TNIP1: variants seen among roughly 807,000 people sequenced by gnomAD.
TNIP1 encodes TNFAIP3-interacting protein 1.
In TNIP1, 22 loss-of-function variants were observed where a neutral mutation model predicts 86.6. The ratio of observed to expected loss-of-function variants is 0.25; its 90% CI spans 0.18 to 0.36. The LOEUF (loss-of-function observed/expected upper bound fraction) is 0.36, where lower values mean the gene tolerates loss of function less well. Among genes scored for constraint, TNIP1 ranks in the 10% least tolerant of loss-of-function variants. The pLI, the probability that TNIP1 is intolerant of heterozygous loss-of-function variation, is 1.00. For synonymous variants in TNIP1, 294 were observed against 313.0 expected (o/e 0.94, Z 0.64); for missense variants, 709 against 820.6 (o/e 0.86, Z 1.66).
intron 1 of TNIP1, among the ~76,000 whole-genome samples, chr5:151,069,998 C>A (rs1334995337): frequency 6.6e-6 from 1 of 152,176 alleles, no homozygotes; most frequent in Non-Finnish European, 1.5e-5. Context: ...GTGCTCAAGG[C>A]CAACCTTGCG....
rs772079911 is a variant in TNIP1 at position 151,065,129 on chromosome 5, T to G, written c.-34A>C. 6.2e-7 allele frequency: 1 copy of G among 1,604,402 alleles called. No individual in the cohort carries two copies. The highest frequency in any genetic ancestry group is 1.7e-5 in the Admixed American group (1 of 59,852). The stretch of plus-strand genomic sequence containing the variant: ...CTCAGCCCCTGCCGTGGTGCCCGCC[T>G]GGCTGTAAGGACAACAGCAGCATAT... On this transcript the variant is annotated splice_region_variant and 5_prime_UTR_variant, in exon 2 of 18. Transcript: ENST00000521591.
At chr5:151,046,232 C>T in intron 8 of TNIP1, 2 of 456,476 alleles carry the variant, frequency 4.4e-6, no homozygotes, top group South Asian at 4.5e-5. Flanking sequence ...GGTACAACCT[C>T]TAAGGTACTA....
At chr5:151,032,503 C>G (rs1025715458) in intron 16 of TNIP1, 120 bp from the exon 17 acceptor site, 6 of 1,018,852 alleles carry the variant, frequency 5.9e-6, no homozygotes, top group Admixed American at 4.7e-5. Context: ...TTATAACAAC[C>G]CAGGCTGGCA....
In TNIP1 at chr5:151,032,484, A is replaced by C. The variant is rs191079131; in HGVS notation, c.1780-101T>G. 3 of 1,198,360 alleles carry C rather than the reference A, an allele frequency of 2.5e-6. No individual in the cohort carries two copies. In the Admixed American group the frequency reaches 6.6e-5, roughly 26 times the overall value. 74.2% of individuals were successfully genotyped at this position (1,198,360 alleles called of 1,614,324 possible). ...ACTAAATCTGTATTAGTCAAGTATA[A>C]TTGAATCTTTATAACAACCCAGGCT... On this transcript the variant is annotated intron_variant, in intron 16 of 17. Transcript: ENST00000521591.
intron 1 of TNIP1, among the ~76,000 whole-genome samples, chr5:151,067,477 A>T (rs371206462): frequency 1.5e-3 from 236 of 152,324 alleles, no homozygotes; most frequent in Middle Eastern, 6.8e-3. Flanking sequence ...TTGGAGTTCA[A>T]GAACAGTGAA....
Position 151,056,902 on chromosome 5 carries a change from A to G in TNIP1, c.491T>C (p.Leu164Pro). The part of the protein sequence containing the change: ...DGNLMLHLQR[L>P]ETTLSVCAEE... ...GGCACACACACTCAGCGTGGTCTCC[A>G]GGCGCTGCAGGTGCAGCATCAGGTT... The change falls in exon 6 of 18, where the codon CTG (leucine) becomes CCG (proline). Residue 164 changes from leucine to proline, a missense_variant. By Grantham distance (98) the Leu-to-Pro change is moderately conservative (BLOSUM62 -3). Coordinates refer to ENST00000521591, the MANE Select transcript of TNIP1 (RefSeq NM_006058.5). 6.3e-7 allele frequency: 1 copy of G among 1,595,232 alleles called. No individual in the cohort carries two copies. The highest frequency in any genetic ancestry group is 8.5e-7 in the Non-Finnish European group (1 of 1,171,450).
intron 4 of TNIP1, among the ~76,000 whole-genome samples, chr5:151,061,279 A>G (rs934611455): frequency 1.3e-5 from 2 of 151,808 alleles, no homozygotes; most frequent in Non-Finnish European, 2.9e-5. Context: ...CTTCCAGCTG[A>G]CCCTCATGGC....
At chr5:151,042,395 G>C in intron 11 of TNIP1, 145 bp downstream of exon 11, 1 of 995,922 alleles carries the variant, frequency 1.0e-6, no homozygotes, top group Non-Finnish European at 1.5e-6. Context: ...TGCAGGGAAG[G>C]AACGTGCCTG....
At chr5:151,048,777 G>C (rs1393752434) in intron 8 of TNIP1, among the ~76,000 whole-genome samples, 1 of 152,170 alleles carries the variant, frequency 6.6e-6, no homozygotes, top group African/African-American at 2.4e-5. Flanking sequence ...GATCTGATTT[G>C]GGGAATAAAG....
At position 151,035,669 on chromosome 5, in the gene TNIP1, A is replaced by G. The variant is rs771779898; in HGVS notation, c.1434T>C (p.Ser478=). 7 of 1,614,004 alleles carry G rather than the reference A, an allele frequency of 4.3e-6. No homozygotes were observed. The highest frequency in any genetic ancestry group is 5.9e-6 in the Non-Finnish European group (7 of 1,180,026). Residue 478 remains serine (S), a synonymous_variant, in exon 14 of 18, where the codon AGT becomes AGC. Coordinates refer to ENST00000521591, the MANE Select transcript of TNIP1 (RefSeq NM_006058.5). The part of the protein sequence containing the change: ...IFEEDFQRER[S]DRERMNEEKE... Reference sequence around the variant, plus strand: ...TCTCCTCATTCATGCGCTCACGATCACTGCGCTCCCTCTGGAAGTCCTCCT... The same window carrying G: ...TCTCCTCATTCATGCGCTCACGATCGCTGCGCTCCCTCTGGAAGTCCTCCT...
At chr5:151,059,905 A>T (rs1761322570) in intron 5 of TNIP1, among the ~76,000 whole-genome samples, 1 of 141,082 alleles carries the variant, frequency 7.1e-6, no homozygotes, top group Non-Finnish European at 1.5e-5. Context: ...GGAAAGTTGA[A>T]CCTCCTTCCT....
At chr5:151,057,456 T>A (rs964756518) in intron 5 of TNIP1, among the ~76,000 whole-genome samples, 1 of 152,238 alleles carries the variant, frequency 6.6e-6, no homozygotes, top group African/African-American at 2.4e-5. Flanking sequence ...CCGGGCGCGA[T>A]GGCTCACGCC....
At chr5:151,059,828 A>AGAGAGTGTGT (rs1554076446) in intron 5 of TNIP1, among the ~76,000 whole-genome samples, 63 of 56,348 alleles carry the variant, frequency 1.1e-3, no homozygotes, top group Admixed American at 3.2e-3. Context: ...AGAGAGAGAG[A>AGAGAGTGTGT]GTGTGTGTGT....
intron 16 of TNIP1, chr5:151,032,608 A>G (rs1435236315): frequency 5.2e-6 from 3 of 572,046 alleles, no homozygotes; most frequent in Admixed American, 3.1e-5. Context: ...ATTTGAATCC[A>G]GGTCTTTGTA....
intron 16 of TNIP1, 124 bp from the exon 17 acceptor site, chr5:151,032,507 G>T: frequency 1.0e-6 from 1 of 968,604 alleles, no homozygotes; most frequent in Non-Finnish European, 1.6e-6. Flanking sequence ...AACAACCCAG[G>T]CTGGCACTCC....
chr5:151,063,166 TG>T (rs1479647336), intron 3 of TNIP1, among the ~76,000 whole-genome samples: 4 of 152,196 alleles, frequency 2.6e-5, no homozygotes, highest in Middle Eastern at 3.2e-3. Context: ...GCTTCTTCCC[TG>T]GGCCTCAGCT....
chr5:151,082,856 A>G (rs954540245), upstream of TNIP1, among the ~76,000 whole-genome samples: 1 of 152,158 alleles, frequency 6.6e-6, no homozygotes, highest in East Asian at 1.9e-4. Context: ...CACCTCTTCC[A>G]TTCTTTGAAG....
chr5:151,054,587 G>C (rs1760397615), intron 6 of TNIP1, among the ~76,000 whole-genome samples: 1 of 152,198 alleles, frequency 6.6e-6, no homozygotes, highest in African/African-American at 2.4e-5. Flanking sequence ...GGGAACTGAG[G>C]TGGGAGAACT....
At chr5:151,060,117 G>A (rs1761352143) in intron 5 of TNIP1, among the ~76,000 whole-genome samples, 1 of 152,196 alleles carries the variant, frequency 6.6e-6, no homozygotes, top group Non-Finnish European at 1.5e-5. Flanking sequence ...GTGCCCGTGT[G>A]CTCCAAGTCG....
Sources: allele counts gnomAD v4.1 joint callset (sites outside exome capture counted in the v4.1 genomes callset), GRCh38; gene constraint gnomAD v4.1.1; transcripts MANE v1.5; gene names NCBI Gene and HGNC (gene_info 2026-07-23, HGNC 2026-07-21).